CTNND2: variants seen among roughly 807,000 people sequenced by gnomAD.
CTNND2 encodes the protein catenin delta 2.
In CTNND2, 22 loss-of-function variants were observed where a neutral mutation model predicts 144.4. That is an observed-to-expected ratio of 0.15 (90% confidence interval 0.11 to 0.22). The LOEUF (loss-of-function observed/expected upper bound fraction) is 0.22. CTNND2 is among the 10% of genes least tolerant of loss of function. The pLI, the probability that CTNND2 is intolerant of heterozygous loss-of-function variation, is 1.00. For missense variants in CTNND2, 1,353 were observed against 1,618.8 expected (o/e 0.84, Z 2.82); for synonymous variants, 751 against 695.6 (o/e 1.08, Z -1.25).
chr5:11,398,492 T>C (rs1459452681), intron 5 of CTNND2, among the ~76,000 whole-genome samples: 1 of 152,206 alleles, frequency 6.6e-6, no homozygotes, highest in Non-Finnish European at 1.5e-5. Context: ...CATCAGTATT[T>C]GAAACAACAT....
intron 9 of CTNND2, among the ~76,000 whole-genome samples, chr5:11,279,741 G>C (rs556728045): frequency 1.3e-5 from 2 of 152,160 alleles, no homozygotes; most frequent in South Asian, 4.1e-4. Context: ...TTCTGGGGAG[G>C]CCTCAGGAAG....
At chr5:11,124,896 A>T (rs1754515428) in intron 12 of CTNND2, among the ~76,000 whole-genome samples, 1 of 152,216 alleles carries the variant, frequency 6.6e-6, no homozygotes, top group Non-Finnish European at 1.5e-5. Context: ...GTCTAAAAAC[A>T]TCTCACCAAA....
intron 6 of CTNND2, among the ~76,000 whole-genome samples, chr5:11,391,736 G>A (rs1201041422): frequency 6.6e-6 from 1 of 152,154 alleles, no homozygotes; most frequent in Non-Finnish European, 1.5e-5. Context: ...AAGCTAATAT[G>A]TAACATAAAA....
At chr5:11,889,353 C>A (rs1182374704) in intron 1 of CTNND2, among the ~76,000 whole-genome samples, 2 of 152,116 alleles carry the variant, frequency 1.3e-5, no homozygotes, top group African/African-American at 2.4e-5. Flanking sequence ...CAATTTAGAG[C>A]AGATTCAAAC....
intron 2 of CTNND2, among the ~76,000 whole-genome samples, chr5:11,728,349 A>C (rs1787137973): frequency 6.6e-6 from 1 of 151,674 alleles, no homozygotes; most frequent in Non-Finnish European, 1.5e-5. Context: ...CATGCCTGTA[A>C]TCCCAGCTAT....
chr5:11,597,880 TATA>T (rs1020411523), intron 2 of CTNND2, among the ~76,000 whole-genome samples: 1 of 152,154 alleles, frequency 6.6e-6, no homozygotes, highest in Non-Finnish European at 1.5e-5. Flanking sequence ...TCTTTGAAAA[TATA>T]ATAATAACAA....
intron 17 of CTNND2, among the ~76,000 whole-genome samples, chr5:11,020,834 T>TAACCCTAACCCTAACCCTAACCCTAACCC (rs1561183207): frequency 4.6e-5 from 7 of 152,244 alleles, no homozygotes; most frequent in African/African-American, 1.4e-4. Flanking sequence ...AATTTAACAC[T>TAACCCTAACCCTAACCCTAACCCTAACCC]TCTTATTAAA....
chr5:11,435,773 C>T (rs1316008118), intron 3 of CTNND2, among the ~76,000 whole-genome samples: 2 of 152,208 alleles, frequency 1.3e-5, no homozygotes, highest in Non-Finnish European at 2.9e-5. Context: ...AACCTCAAGT[C>T]TTCCAATTCA....
intron 3 of CTNND2, among the ~76,000 whole-genome samples, chr5:11,468,860 G>A (rs1243004618): frequency 3.9e-5 from 6 of 152,018 alleles, no homozygotes; most frequent in Admixed American, 3.9e-4. Flanking sequence ...TTTCTTGTGG[G>A]ATTCTTGCAC....
At chr5:11,379,061 A>G (rs960852840) in intron 7 of CTNND2, among the ~76,000 whole-genome samples, 1 of 152,168 alleles carries the variant, frequency 6.6e-6, no homozygotes, top group African/African-American at 2.4e-5. Context: ...ACTCAACTTC[A>G]ATGCATGTCT....
intron 10 of CTNND2, among the ~76,000 whole-genome samples, chr5:11,224,665 C>A (rs971108518): frequency 1.3e-5 from 2 of 152,220 alleles, no homozygotes; most frequent in Non-Finnish European, 2.9e-5. Flanking sequence ...GCCAACCTCA[C>A]AGGAGAGCTT....
At position 11,832,209 on chromosome 5, in the gene CTNND2, G is replaced by A. The variant is rs558041679; in HGVS notation, c.37+71608C>T. 1.1e-4 allele frequency among the ~76,000 whole-genome samples: 16 copies of A among 152,166 alleles called. No homozygotes were observed. In the South Asian group the frequency reaches 1.5e-3, roughly 14 times the overall value. The stretch of plus-strand genomic sequence containing the variant: ...TGAGGCAGAAGAATGGCATGAACCC[G>A]GAGGCGGAGCTTGCAGTGAGCTGAG... On this transcript the variant is annotated intron_variant, in intron 1 of 21. Transcript: ENST00000304623.
chr5:11,301,995 T>G (rs546299942), intron 9 of CTNND2, among the ~76,000 whole-genome samples: 1 of 152,240 alleles, frequency 6.6e-6, no homozygotes, highest in African/African-American at 2.4e-5. Context: ...GTGGGGGTCC[T>G]GAGAAGGAAT....
chr5:11,686,857 A>G (rs1342989167), intron 2 of CTNND2, among the ~76,000 whole-genome samples: 3 of 148,394 alleles, frequency 2.0e-5, no homozygotes, highest in Non-Finnish European at 3.0e-5. Flanking sequence ...TACTATAAAC[A>G]TATATACATA....
At chr5:11,547,661 G>T (rs777641314) in intron 3 of CTNND2, among the ~76,000 whole-genome samples, 1 of 152,178 alleles carries the variant, frequency 6.6e-6, no homozygotes, top group African/African-American at 2.4e-5. Context: ...TGTATAAAAA[G>T]TGCTAATAAT....
chr5:11,382,461 T>TG (rs1235192219), intron 7 of CTNND2, among the ~76,000 whole-genome samples: 1 of 151,876 alleles, frequency 6.6e-6, no homozygotes, highest in African/African-American at 2.4e-5. Context: ...TAGCCAGGCG[T>TG]GGGGGCAGGT....
At chr5:11,521,271 T>C (rs1357270126) in intron 3 of CTNND2, among the ~76,000 whole-genome samples, 1 of 152,234 alleles carries the variant, frequency 6.6e-6, no homozygotes, top group Non-Finnish European at 1.5e-5. Context: ...AAAAACATCC[T>C]ATTGTAACAT....
chr5:11,671,452 T>C (rs551987780), intron 2 of CTNND2, among the ~76,000 whole-genome samples: 1 of 152,224 alleles, frequency 6.6e-6, no homozygotes, highest in African/African-American at 2.4e-5. Context: ...TAGTCTCCTA[T>C]TTCTTGGAGG....
chr5:11,739,777 T>G (rs1448103422), intron 1 of CTNND2, among the ~76,000 whole-genome samples: 1 of 152,168 alleles, frequency 6.6e-6, no homozygotes, highest in Non-Finnish European at 1.5e-5. Context: ...ATAGCATGAT[T>G]GTATACTTAG....
Sources: allele counts gnomAD v4.1 joint callset (sites outside exome capture counted in the v4.1 genomes callset), GRCh38; gene constraint gnomAD v4.1.1; transcripts MANE v1.5; gene names NCBI Gene and HGNC (gene_info 2026-07-23, HGNC 2026-07-21).